Variants in RNF123 observed in about 807,000 individuals in gnomAD.
The protein encoded by RNF123 is ring finger protein 123.
Under a neutral mutation model 168.5 loss-of-function variants are expected in RNF123, and 86 were observed. The observed-to-expected ratio is 0.51, with a 90% CI of 0.43 to 0.61. RNF123 has a LOEUF of 0.61. Ranked by LOEUF, RNF123 falls within the 20% of genes least tolerant of loss-of-function variation. The pLI is 0.00. For missense variants in RNF123, 1,419 were observed against 1,729.7 expected (o/e 0.82, Z 3.19); for synonymous variants, 666 against 689.1 (o/e 0.97, Z 0.52).
In RNF123 at chr3:49,720,555, A is replaced by G. The variant is rs930427209; in HGVS notation, c.3545A>G (p.Gln1182Arg). 2.5e-6 allele frequency: 4 copies of G among 1,610,680 alleles called. No individual in the cohort carries two copies. The highest frequency in any genetic ancestry group is 3.4e-6 in the Non-Finnish European group (4 of 1,177,920). The change falls in exon 36 of 39, where the codon CAG (glutamine) becomes CGG (arginine). Residue 1182 changes from glutamine (Q) to arginine (R), a missense_variant. Physicochemically the swap from Gln to Arg is conservative, Grantham distance 43. Transcript: ENST00000327697. ...TSVLLADPCFQLRSICYLLGQ... is the reference protein window; with the variant it reads ...TSVLLADPCFRLRSICYLLGQ... ...GTGCTCCTGGCAGATCCCTGCTTCC[A>G]GCTACGCTCAATATGCTATCTCCTG... is the stretch of plus-strand genomic sequence containing the variant.
rs1345234653 is a variant in RNF123, at chr3:49,716,122, C to T, written c.3360C>T (p.Asn1120=). 6.2e-7 allele frequency: 1 copy of T among 1,613,784 alleles called. No homozygotes were observed. The change falls in exon 34 of 39, where the codon AAC becomes AAT. Residue 1120 remains asparagine (N), a synonymous_variant. Transcript: ENST00000327697. The part of the protein sequence containing the change: ...RLAQLLNQVL[N]RVTAERNLFD... ...CACAGCTGCTAAACCAGGTGCTGAA[C>T]CGGGTGACAGCTGAGAGGAACCTGT...
At position 49,698,884 on chromosome 3, in the gene RNF123, T is replaced by C. The variant is rs1028767590; in HGVS notation, c.638+62T>C. ...GGGGCCTCCCCAGACTGCCCCCAGTTTCCTGGGCCCTGTAAGGGGCCAGAC... is the reference window on the plus strand; with the variant it reads ...GGGGCCTCCCCAGACTGCCCCCAGTCTCCTGGGCCCTGTAAGGGGCCAGAC... On this transcript the variant is annotated intron_variant, in intron 9 of 38. Transcript: ENST00000327697. 5.6e-6 allele frequency: 9 copies of C among 1,605,824 alleles called. No individual in the cohort carries two copies. The African/African-American group carries it at 1.1e-4, about 19-fold the overall frequency.
rs370209625 is a variant in RNF123 at position 49,712,483 on chromosome 3, A to G, written c.2501A>G (p.Lys834Arg). The G allele has an allele frequency of 3.7e-5, 60 of 1,614,056 alleles. No individual in the cohort carries two copies. The African/African-American group carries it at 6.5e-4, about 18-fold the overall frequency. ...WVHATVYSQE[K>R]MLDIYWLLRV... ...CACCCCGTGTGCCTCCTGCAGGAGAAGATGCTGGACATCTACTGGCTGCTG... is the reference window on the plus strand; with the variant it reads ...CACCCCGTGTGCCTCCTGCAGGAGAGGATGCTGGACATCTACTGGCTGCTG... Residue 834 changes from lysine (K) to arginine (R), a missense_variant, in exon 27 of 39, where the codon AAG becomes AGG. By Grantham distance (26) the Lys-to-Arg change is conservative (BLOSUM62 2). This residue lies in a region of RNF123 where 538 missense variants were observed against 708.8 expected (regional missense o/e 0.76). Transcript: ENST00000327697.
At chr3:49,714,256 ACTT>A in intron 31 of RNF123, 82 bp downstream of exon 31, 1 of 1,257,068 alleles carries the variant, frequency 8.0e-7, no homozygotes, top group Non-Finnish European at 1.2e-6. Flanking sequence ...CAGACTCTCC[ACTT>A]CTTCCAGCCC....
At chr3:49,695,738 TG>T (rs1158324290) in intron 3 of RNF123, among the ~76,000 whole-genome samples, 1 of 152,160 alleles carries the variant, frequency 6.6e-6, no homozygotes, top group Non-Finnish European at 1.5e-5. Context: ...GAAGAGCAGG[TG>T]GTGGCACCCT....
At chr3:49,691,274 G>A (rs2054158271) in intron 2 of RNF123, 27 bp downstream of exon 2, 1 of 1,608,876 alleles carries the variant, frequency 6.2e-7, no homozygotes, top group Non-Finnish European at 8.5e-7. Flanking sequence ...AAGGAAGGAG[G>A]CTCCTCTTGT....
chr3:49,706,029 G>A lies in RNF123; in HGVS notation c.2352G>A (p.Arg784=), dbSNP rs770141639. ...TCAATGAATACGCTATGGCTCTGAG[G>A]GACACAGAGGACAAGCTCCGCCGGT... ...DDVNEYAMAL[R]DTEDKLRRCP... Residue 784 remains arginine, a synonymous_variant, in exon 25 of 39, where the codon AGG becomes AGA. Coordinates refer to ENST00000327697, the MANE Select transcript of RNF123 (RefSeq NM_022064.5). The A allele has an allele frequency of 1.2e-6, 2 of 1,614,182 alleles. No individual in the cohort carries two copies. The highest frequency in any genetic ancestry group is 1.7e-5 in the Admixed American group (1 of 60,026).
chr3:49,707,802 G>A (rs11709734), intron 26 of RNF123, among the ~76,000 whole-genome samples: 122,671 of 151,872 alleles, frequency 0.81, 50,053 homozygotes, highest in East Asian at 0.99. Context: ...GCCCCATGAC[G>A]GGAACTTCCT....
chr3:49,712,759 G>A (rs752079112), intron 27 of RNF123, 103 bp downstream of exon 27: 8 of 1,316,732 alleles, frequency 6.1e-6, no homozygotes, highest in African/African-American at 1.5e-5. Context: ...ACACACTTCT[G>A]TGGGGGGCGG....
intron 18 of RNF123, 30 bp downstream of exon 18, chr3:49,702,174 G>A (rs1209809011): frequency 1.2e-6 from 2 of 1,611,248 alleles, no homozygotes; most frequent in African/African-American, 1.3e-5. Context: ...CCTGGGTGGG[G>A]CCCTGTGGGG....
At chr3:49,697,511 C>G in intron 5 of RNF123, 54 bp downstream of exon 5, 1 of 1,385,490 alleles carries the variant, frequency 7.2e-7, no homozygotes, top group Admixed American at 2.3e-5. Context: ...GACATAGCCC[C>G]AGGCTCCTCC....
In RNF123 at chr3:49,700,660, G is replaced by T; in HGVS notation, c.1228G>T (p.Ala410Ser). The change falls in exon 15 of 39, where the codon GCC becomes TCC. Residue 410 changes from alanine to serine, a missense_variant. Ala to Ser is a moderately conservative substitution (Grantham distance 99, BLOSUM62 1). Transcript: ENST00000327697. Reference protein sequence around the residue: ...LQIHYLRLTIAILRHEKSRKF... With the variant: ...LQIHYLRLTISILRHEKSRKF... Reference sequence around the variant, plus strand: ...GATCCATTACCTGCGGCTCACTATCGCCATCCTGAGGCATGAGAAGTCCCG... The same window carrying T: ...GATCCATTACCTGCGGCTCACTATCTCCATCCTGAGGCATGAGAAGTCCCG... The T allele has an allele frequency of 6.2e-7, 1 of 1,614,134 alleles. No individual in the cohort carries two copies. Among genetic ancestry groups the T allele is most frequent in the Non-Finnish European group, 8.5e-7 (1 of 1,180,040 alleles).
chr3:49,700,274 C>T lies in RNF123; in HGVS notation c.1032C>T (p.Gly344=), dbSNP rs1275776133. Residue 344 remains glycine (G), a synonymous_variant, in exon 13 of 39, where the codon GGC becomes GGT. Coordinates refer to ENST00000327697, the MANE Select transcript of RNF123 (RefSeq NM_022064.5). ...CTGTGCTCATGAGCTTCTTGCTGGG[C>T]ATCGTGGAGAAGGGCACACCCACAC... The part of the protein sequence containing the change: ...VEAVLMSFLL[G]IVEKGTPTQA... 2 of 1,614,212 alleles carry T rather than the reference C, an allele frequency of 1.2e-6. No individual in the cohort carries two copies. Among genetic ancestry groups the T allele is most frequent in the South Asian group, 1.1e-5 (1 of 91,090 alleles).
intron 21 of RNF123, 134 bp from the exon 22 acceptor site, chr3:49,704,516 G>A: frequency 2.9e-6 from 2 of 680,686 alleles, no homozygotes; most frequent in Non-Finnish European, 5.0e-6. Flanking sequence ...AGGGGCGAGG[G>A]GCAGATACGG....
At chr3:49,707,996 GT>G (rs979599989) in intron 26 of RNF123, among the ~76,000 whole-genome samples, 3 of 151,562 alleles carry the variant, frequency 2.0e-5, no homozygotes, top group African/African-American at 7.3e-5. Flanking sequence ...TTTGTTTTGT[GT>G]TTTTTTTGAG....
chr3:49,710,180 A>G (rs550485255), intron 26 of RNF123, among the ~76,000 whole-genome samples: 29 of 151,914 alleles, frequency 1.9e-4, no homozygotes, highest in Non-Finnish European at 2.9e-4. Context: ...AGGATATGGT[A>G]CCTTATTGTG....
chr3:49,712,046 G>A (rs1041872882), intron 26 of RNF123, among the ~76,000 whole-genome samples: 15 of 151,986 alleles, frequency 9.9e-5, no homozygotes, highest in African/African-American at 3.1e-4. Context: ...CCAACATGGC[G>A]AAACCCCATC....
intron 27 of RNF123, chr3:49,713,098 C>G (rs1391106069): frequency 1.7e-6 from 1 of 601,162 alleles, no homozygotes; most frequent in African/African-American, 1.9e-5. Flanking sequence ...GCCTCTCAGC[C>G]TGCTGATTCC....
chr3:49,706,404 T>C (rs530253931), intron 25 of RNF123, among the ~76,000 whole-genome samples: 75 of 152,348 alleles, frequency 4.9e-4, no homozygotes, highest in Middle Eastern at 3.4e-3. Context: ...CTGCTGTAGC[T>C]GCCCTAGCCC....
Sources: allele counts gnomAD v4.1 joint callset (sites outside exome capture counted in the v4.1 genomes callset), GRCh38; gene constraint gnomAD v4.1.1; regional missense constraint gnomAD v4.1.1; transcripts MANE v1.5; gene names NCBI Gene and HGNC (gene_info 2026-07-23, HGNC 2026-07-21).